The following AFG2A variants were observed in gnomAD, a reference collection of about 807,000 sequenced individuals.
AFG2A encodes ATPase family gene 2 protein homolog A.
chr4:122,940,786 A>G, the AFG2A span, among the ~76,000 whole-genome samples: 1 of 151,256 alleles, frequency 6.6e-6, no homozygotes, highest in African/African-American at 2.4e-5. Context: ...TAAGTCTTTA[A>G]TCCATCTTGA....
At chr4:122,930,885 A>C in the AFG2A span, among the ~76,000 whole-genome samples, 2 of 152,326 alleles carry the variant, frequency 1.3e-5, no homozygotes, top group East Asian at 1.9e-4. Context: ...ATATGTTTTA[A>C]ATGAAAGCTC....
chr4:123,120,051 G>T, the AFG2A span, among the ~76,000 whole-genome samples: 3 of 152,090 alleles, frequency 2.0e-5, no homozygotes, highest in Non-Finnish European at 2.9e-5. Context: ...GGGAATTACG[G>T]AGATTACAAT....
At chr4:123,101,747 G>A in the AFG2A span, among the ~76,000 whole-genome samples, 1 of 151,858 alleles carries the variant, frequency 6.6e-6, no homozygotes, top group African/African-American at 2.4e-5. Flanking sequence ...AGGAGCTTTT[G>A]CATAATGCCA....
chr4:123,222,373 C>A, the AFG2A span, among the ~76,000 whole-genome samples: 1 of 152,070 alleles, frequency 6.6e-6, no homozygotes, highest in Non-Finnish European at 1.5e-5. Context: ...TTTTCAGGCA[C>A]CAAAAGTTCT....
chr4:123,072,032 T>C, the AFG2A span, among the ~76,000 whole-genome samples: 2 of 152,318 alleles, frequency 1.3e-5, no homozygotes, highest in African/African-American at 4.8e-5. Context: ...CATTGGTGTA[T>C]TTGGCTTACA....
chr4:123,167,410 C>T, the AFG2A span, among the ~76,000 whole-genome samples: 13 of 151,966 alleles, frequency 8.6e-5, no homozygotes, highest in South Asian at 1.0e-3. Context: ...TGCAGTGGCA[C>T]GATTTCGGCT....
the AFG2A span, among the ~76,000 whole-genome samples, chr4:123,184,280 A>T: frequency 4.6e-5 from 7 of 152,204 alleles, no homozygotes; most frequent in African/African-American, 1.7e-4. Flanking sequence ...GTATCTATAC[A>T]CACTACTATG....
the AFG2A span, among the ~76,000 whole-genome samples, chr4:123,176,871 T>A: frequency 6.6e-6 from 1 of 152,106 alleles, no homozygotes; most frequent in Admixed American, 6.5e-5. Context: ...GGAGGAGGAA[T>A]ACCTTCTTTA....
chr4:122,987,390 C>G, the AFG2A span, among the ~76,000 whole-genome samples: 1 of 152,048 alleles, frequency 6.6e-6, no homozygotes, highest in Non-Finnish European at 1.5e-5. Flanking sequence ...GCCACTCTGT[C>G]TTTTGACTGG....
chr4:123,242,037 A>G, the AFG2A span, among the ~76,000 whole-genome samples: 1 of 152,202 alleles, frequency 6.6e-6, no homozygotes, highest in Non-Finnish European at 1.5e-5. Flanking sequence ...ATTGCTACAA[A>G]GAAAATAAGA....
the AFG2A span, among the ~76,000 whole-genome samples, chr4:122,979,592 G>C: frequency 6.6e-6 from 1 of 152,198 alleles, no homozygotes; most frequent in Non-Finnish European, 1.5e-5. Flanking sequence ...GTTTCCTCCA[G>C]TGGCAACATT....
the AFG2A span, among the ~76,000 whole-genome samples, chr4:123,052,928 AGAGT>A: frequency 2.0e-4 from 31 of 151,408 alleles, no homozygotes; most frequent in Non-Finnish European, 4.1e-4. Flanking sequence ...TGTAGGTCTG[AGAGT>A]CCAAAGGGTG....
At chr4:123,113,222 T>C in the AFG2A span, among the ~76,000 whole-genome samples, 3 of 152,216 alleles carry the variant, frequency 2.0e-5, no homozygotes, top group African/African-American at 7.2e-5. Context: ...TTCCAAAAGC[T>C]TTGCTTGGGA....
the AFG2A span, among the ~76,000 whole-genome samples, chr4:123,172,928 T>C: frequency 6.6e-6 from 1 of 152,184 alleles, no homozygotes; most frequent in Non-Finnish European, 1.5e-5. Flanking sequence ...GAACTGGTTG[T>C]TCAAAACCTC....
the AFG2A span, among the ~76,000 whole-genome samples, chr4:123,300,174 T>A: frequency 6.6e-6 from 1 of 152,146 alleles, no homozygotes; most frequent in Non-Finnish European, 1.5e-5. Context: ...AAAGAATGTT[T>A]AAGTTTGATA....
the AFG2A span, chr4:122,935,910 T>C: frequency 6.1e-6 from 9 of 1,465,486 alleles, no homozygotes; most frequent in African/African-American, 2.9e-5. Context: ...TTTTTAAAAA[T>C]GATTGTGTAG....
At chr4:123,010,530 A>G in the AFG2A span, among the ~76,000 whole-genome samples, 1 of 152,222 alleles carries the variant, frequency 6.6e-6, no homozygotes, top group Non-Finnish European at 1.5e-5. Flanking sequence ...TGAATCAATG[A>G]GTGAATACAT....
the AFG2A span, chr4:122,947,316 A>G: frequency 1.2e-6 from 2 of 1,613,742 alleles, no homozygotes; most frequent in Middle Eastern, 1.6e-4. Flanking sequence ...GACCTGGGCG[A>G]TTTGATAAAG....
chr4:123,256,295 G>GA, the AFG2A span: 1 of 1,201,692 alleles, frequency 8.3e-7, no homozygotes, highest in Non-Finnish European at 1.2e-6. Context: ...AAGAAATCTT[G>GA]AAACAGGAAG....
Sources: allele counts gnomAD v4.1 joint callset (sites outside exome capture counted in the v4.1 genomes callset), GRCh38; gene constraint gnomAD v4.1.1; transcripts MANE v1.5; gene names NCBI Gene and HGNC (gene_info 2026-07-23, HGNC 2026-07-21).